Variants in SCP2 observed in about 807,000 individuals in gnomAD.
SCP2 encodes the protein sterol carrier protein 2, also known as SCP-2/3-oxoacyl-CoA thiolase.
A neutral mutation model predicts 71.4 loss-of-function variants in SCP2; 48 were observed. The observed-to-expected ratio is 0.67, with a 90% CI of 0.53 to 0.86. The LOEUF is 0.86. SCP2 is among the 40% of genes least tolerant of loss of function. The pLI, the probability that SCP2 is intolerant of heterozygous loss-of-function variation, is 0.00. For missense variants in SCP2, 560 were observed against 655.6 expected (o/e 0.85, Z 1.59); for synonymous variants, 220 against 218.1 (o/e 1.01, Z -0.08).
intron 5 of SCP2, among the ~76,000 whole-genome samples, chr1:52,956,319 G>A (rs980933199): frequency 6.6e-6 from 1 of 151,966 alleles, no homozygotes; most frequent in African/African-American, 2.4e-5. Flanking sequence ...AAGAAAATGA[G>A]TTGAAGATAA....
rs190459880 is a variant in SCP2 at position 53,016,453 on chromosome 1, G to T, written c.1235+1410G>T. Reference sequence around the variant, plus strand: ...GTATTGAATCTTAAGTTTTTGTGGGGTTTTTTTCTTTTTTGAGACAGAGTC... The same window carrying T: ...GTATTGAATCTTAAGTTTTTGTGGGTTTTTTTTCTTTTTTGAGACAGAGTC... On this transcript the variant is annotated intron_variant, in intron 12 of 15. Transcript: ENST00000371514. Among the ~76,000 whole-genome samples, 951 of 152,044 alleles carry T rather than the reference G, an allele frequency of 6.3e-3. 13 individuals are homozygous for T. Among genetic ancestry groups the T allele is most frequent in the African/African-American group, 0.022 (908 of 41,472 alleles).
chr1:53,030,058 T>G (rs1662424158), intron 13 of SCP2, among the ~76,000 whole-genome samples: 1 of 152,066 alleles, frequency 6.6e-6, no homozygotes, highest in Admixed American at 6.5e-5. Flanking sequence ...CCAGCTAATT[T>G]TTGTATTTTT....
chr1:52,959,173 ACTT>A (rs1656093540), intron 5 of SCP2, among the ~76,000 whole-genome samples: 2 of 149,576 alleles, frequency 1.3e-5, no homozygotes, highest in Admixed American at 6.6e-5. Context: ...TGGTCTGGTG[ACTT>A]CTTTTCTTTT....
chr1:52,941,956 C>A, intron 2 of SCP2, 103 bp downstream of exon 2: 1 of 816,908 alleles, frequency 1.2e-6, no homozygotes, highest in Non-Finnish European at 2.1e-6. Context: ...GAAGCCCAGT[C>A]AAGGGAGAAG....
At chr1:53,008,762 G>A (rs1026955146) in intron 11 of SCP2, among the ~76,000 whole-genome samples, 2 of 152,166 alleles carry the variant, frequency 1.3e-5, no homozygotes, top group African/African-American at 4.8e-5. Flanking sequence ...TCAACATAGT[G>A]TTGGAAATTC....
At chr1:52,980,356 A>G (rs892045346) in intron 9 of SCP2, 40 bp from the exon 10 acceptor site, 3 of 1,592,934 alleles carry the variant, frequency 1.9e-6, no homozygotes, top group South Asian at 1.1e-5. Flanking sequence ...TAAAAGGCCC[A>G]GTTTTGGTGC....
chr1:52,977,121 A>G (rs1031587310), intron 8 of SCP2, among the ~76,000 whole-genome samples: 2 of 152,212 alleles, frequency 1.3e-5, no homozygotes, highest in East Asian at 1.9e-4. Context: ...ATTCTACTCT[A>G]TAATAGTAGC....
intron 13 of SCP2, among the ~76,000 whole-genome samples, chr1:53,028,920 C>T (rs1455592719): frequency 6.6e-6 from 1 of 151,952 alleles, no homozygotes; most frequent in African/African-American, 2.4e-5. Flanking sequence ...GGATTACAGG[C>T]ACCCACCACC....
intron 14 of SCP2, among the ~76,000 whole-genome samples, chr1:53,045,569 A>G (rs1157679506): frequency 6.6e-6 from 1 of 152,170 alleles, no homozygotes; most frequent in Non-Finnish European, 1.5e-5. Flanking sequence ...ACCCAGGGCT[A>G]GGTGATAAAG....
At chr1:52,942,569 A>ATTT (rs1480381896) in intron 2 of SCP2, among the ~76,000 whole-genome samples, 1 of 152,126 alleles carries the variant, frequency 6.6e-6, no homozygotes, top group Non-Finnish European at 1.5e-5. Context: ...TTTTTTTAAA[A>ATTT]AAAGGGGACA....
rs773753117 is a variant in SCP2, at chr1:52,927,483, C to T, written c.69+18C>T. ...TGACCAAGGTAAACCGAGCAGCGGC[C>T]CTGCTGGCCCTCTGAGGCTCGGGGG... On this transcript the variant is annotated intron_variant, in intron 1 of 15. Coordinates refer to ENST00000371514, the MANE Select transcript of SCP2 (RefSeq NM_002979.5). The T allele has an allele frequency of 4.4e-6, 7 of 1,579,540 alleles. No homozygotes were observed. Among genetic ancestry groups the T allele is most frequent in the East Asian group, 2.3e-5 (1 of 43,802 alleles).
chr1:52,968,091 C>T (rs1348825573), intron 6 of SCP2, among the ~76,000 whole-genome samples: 3 of 152,190 alleles, frequency 2.0e-5, no homozygotes, highest in Non-Finnish European at 4.4e-5. Context: ...CAGGTGCGTG[C>T]CACCATGCCT....
In SCP2 at chr1:52,961,595, T is replaced by C. The variant is rs557306649; in HGVS notation, c.489T>C (p.Phe163=). 4 of 1,613,938 alleles carry C rather than the reference T, an allele frequency of 2.5e-6. No homozygotes were observed. Among genetic ancestry groups the C allele is most frequent in the Admixed American group, 3.3e-5 (2 of 60,006 alleles). The part of the protein sequence containing the change: ...LSAHPVAPQM[F]GYAGKEHMEK... ...CTCACCCAGTTGCTCCTCAGATGTT[T>C]GGGTATGCTGGAAAAGAACATATGG... The change falls in exon 6 of 16, where the codon TTT becomes TTC. Residue 163 remains phenylalanine (F), a synonymous_variant. Coordinates refer to ENST00000371514, the MANE Select transcript of SCP2 (RefSeq NM_002979.5).
intron 8 of SCP2, among the ~76,000 whole-genome samples, chr1:52,977,677 G>A (rs550458649): frequency 3.5e-4 from 53 of 152,266 alleles, no homozygotes; most frequent in African/African-American, 1.3e-3. Flanking sequence ...AGAACTTTTT[G>A]GGGCTGGGCG....
At chr1:52,942,757 T>C (rs944217595) in intron 2 of SCP2, among the ~76,000 whole-genome samples, 4 of 143,728 alleles carry the variant, frequency 2.8e-5, no homozygotes, top group Non-Finnish European at 6.0e-5. Flanking sequence ...AGAGTGCAAA[T>C]GGCATGATCT....
intron 11 of SCP2, among the ~76,000 whole-genome samples, chr1:53,005,050 C>T (rs535760063): frequency 6.6e-6 from 1 of 152,346 alleles, no homozygotes; most frequent in Admixed American, 6.5e-5. Context: ...TGAGATTAAA[C>T]TGCAAGGTGA....
At chr1:52,982,946 A>C (rs902703561) in intron 10 of SCP2, among the ~76,000 whole-genome samples, 2 of 152,178 alleles carry the variant, frequency 1.3e-5, no homozygotes, top group South Asian at 4.1e-4. Context: ...GTTGCTCTTC[A>C]TTCTTGAACA....
intron 1 of SCP2, among the ~76,000 whole-genome samples, chr1:52,936,135 C>T (rs1169265957): frequency 6.6e-6 from 1 of 152,126 alleles, no homozygotes; most frequent in African/African-American, 2.4e-5. Context: ...TGGCATTCTT[C>T]CCACTTTATT....
intron 12 of SCP2, among the ~76,000 whole-genome samples, chr1:53,019,800 G>A (rs1005719592): frequency 6.6e-6 from 1 of 152,208 alleles, no homozygotes; most frequent in Non-Finnish European, 1.5e-5. Context: ...CAGTTTGTTA[G>A]CAGTTAGAAT....
Sources: allele counts gnomAD v4.1 joint callset (sites outside exome capture counted in the v4.1 genomes callset), GRCh38; gene constraint gnomAD v4.1.1; transcripts MANE v1.5; gene names NCBI Gene and HGNC (gene_info 2026-07-23, HGNC 2026-07-21).